MYH15: variants seen among roughly 807,000 people sequenced by gnomAD.
MYH15 encodes myosin-15.
A neutral mutation model predicts 240.5 loss-of-function variants in MYH15; 227 were observed. The observed-to-expected ratio is 0.94, with a 90% CI of 0.85 to 1.05. The LOEUF (loss-of-function observed/expected upper bound fraction) is 1.05. MYH15 is among the 50% of genes least tolerant of loss of function. The pLI, the probability that MYH15 is intolerant of heterozygous loss-of-function variation, is 0.00. For missense variants in MYH15, 2,217 were observed against 2,247.5 expected (o/e 0.99, Z 0.27); for synonymous variants, 785 against 796.7 (o/e 0.99, Z 0.25).
the MYH15 span, among the ~76,000 whole-genome samples, chr3:108,542,881 CTTTT>C: frequency 5.3e-5 from 7 of 133,192 alleles, no homozygotes; most frequent in East Asian, 2.0e-4. Flanking sequence ...GATCTCGTTC[CTTTT>C]TTTTTTTTTT....
intron 29 of MYH15, among the ~76,000 whole-genome samples, chr3:108,415,986 T>C (rs1297336722): frequency 6.6e-6 from 1 of 152,198 alleles, no homozygotes; most frequent in Admixed American, 6.5e-5. Flanking sequence ...TTGGACATGA[T>C]ATTTTTCTTC....
intron 1 of MYH15, among the ~76,000 whole-genome samples, chr3:108,524,575 CTT>C (rs1364321751): frequency 6.6e-6 from 1 of 151,726 alleles, no homozygotes; most frequent in South Asian, 2.1e-4. Flanking sequence ...CTTTTTATAA[CTT>C]AACATTTTTT....
chr3:108,542,200 T>G, the MYH15 span, among the ~76,000 whole-genome samples: 4 of 152,124 alleles, frequency 2.6e-5, no homozygotes, highest in Admixed American at 1.3e-4. Context: ...GCACCCCTAT[T>G]ATTTACATCT....
the MYH15 span, among the ~76,000 whole-genome samples, chr3:108,539,100 TAA>T: frequency 6.6e-6 from 1 of 152,192 alleles, no homozygotes; most frequent in African/African-American, 2.4e-5. Flanking sequence ...CATTGTGTAG[TAA>T]GTTTCCTACA....
At chr3:108,541,842 CATGAA>C in the MYH15 span, among the ~76,000 whole-genome samples, 4 of 152,006 alleles carry the variant, frequency 2.6e-5, no homozygotes, top group Non-Finnish European at 4.4e-5. Context: ...GTATTGATAT[CATGAA>C]ATGATTTCCT....
chr3:108,476,190 A>T (rs949592002), intron 12 of MYH15, among the ~76,000 whole-genome samples: 1 of 152,338 alleles, frequency 6.6e-6, no homozygotes, highest in East Asian at 1.9e-4. Context: ...AAAACTTTCA[A>T]AATGTATGTT....
At chr3:108,438,097 C>A (rs567034929) in intron 24 of MYH15, among the ~76,000 whole-genome samples, 4 of 152,310 alleles carry the variant, frequency 2.6e-5, no homozygotes, top group African/African-American at 9.6e-5. Flanking sequence ...CCTGTAAATT[C>A]TATCCACAAG....
intron 37 of MYH15, among the ~76,000 whole-genome samples, chr3:108,389,998 G>T (rs1254367872): frequency 1.3e-5 from 2 of 152,178 alleles, no homozygotes; most frequent in African/African-American, 2.4e-5. Flanking sequence ...CAACGTGAAG[G>T]GAGGGGAGCA....
At chr3:108,445,293 G>T (rs1037875322) in intron 21 of MYH15, among the ~76,000 whole-genome samples, 1 of 152,274 alleles carries the variant, frequency 6.6e-6, no homozygotes, top group Middle Eastern at 3.4e-3. Flanking sequence ...GGATAAAAAG[G>T]CAAGGCAGAA....
Position 108,410,884 on chromosome 3 carries a change from C to A in MYH15, c.4194G>T (p.Val1398=). 6.2e-7 allele frequency: 1 copy of A among 1,610,732 alleles called. No homozygotes were observed. The highest frequency in any genetic ancestry group is 8.5e-7 in the Non-Finnish European group (1 of 1,177,284). The change falls in exon 31 of 41, where the codon GTG becomes GTT. Residue 1398 remains valine, a synonymous_variant. Transcript: ENST00000693548. ...RLQEAAEAMG[V]ANARNASLER... is the part of the protein sequence containing the mutation. ...CCAAGGAGGCATTTCTGGCATTGGC[C>A]ACCCCCATGGCTTCGGCTGCCTCCT...
chr3:108,391,710 A>C (rs763127888), intron 37 of MYH15, 50 bp downstream of exon 37: 1 of 1,559,568 alleles, frequency 6.4e-7, no homozygotes, highest in Non-Finnish European at 8.7e-7. Context: ...CAGGACAAAG[A>C]GGTCTTGAAT....
chr3:108,442,560 C>T (rs2082893180), intron 22 of MYH15, among the ~76,000 whole-genome samples: 3 of 152,132 alleles, frequency 2.0e-5, no homozygotes, highest in South Asian at 2.1e-4. Context: ...GTCACCATCA[C>T]TGAACAAAGA....
rs767963441 is a variant in MYH15 at position 108,383,745 on chromosome 3, A to AT, written c.5632-17_5632-16insA. 98 of 1,534,182 alleles carry AT rather than the reference A, an allele frequency of 6.4e-5. 4 individuals carry two copies. The African/African-American group carries it at 1.0e-3, about 16-fold the overall frequency. On this transcript the variant is annotated splice_polypyrimidine_tract_variant and intron_variant, in intron 39 of 40. Coordinates refer to ENST00000693548, the MANE Select transcript of MYH15 (RefSeq NM_014981.3). The stretch of plus-strand genomic sequence containing the variant: ...CTTGTGTTTCCTATAAAAATAAAAA[A>AT]AAAAAAAAAGAAATCTCCATGCCTA...
At chr3:108,537,277 G>A in the MYH15 span, among the ~76,000 whole-genome samples, 2 of 152,114 alleles carry the variant, frequency 1.3e-5, no homozygotes, top group Admixed American at 1.3e-4. Context: ...CTCCTGAGAG[G>A]ACACACAGTC....
In MYH15 at chr3:108,399,162, G is replaced by A. The variant is rs1241047385; in HGVS notation, c.4842C>T (p.Leu1614=). The A allele has an allele frequency of 2.5e-6, 4 of 1,614,070 alleles. No homozygotes were observed. Among genetic ancestry groups the A allele is most frequent in the Non-Finnish European group, 3.4e-6 (4 of 1,180,048 alleles). ...TRLKKKMEED[L]NEMELQLSCA... is the part of the protein sequence containing the mutation. The stretch of plus-strand genomic sequence containing the variant: ...AGCTAAGCTGGAGTTCCATCTCATT[G>A]AGGTCCTCTTCCATCTTCTTCTTCA... The change falls in exon 34 of 41, where the codon CTC becomes CTT. Residue 1614 remains leucine (L), a synonymous_variant. Transcript: ENST00000693548.
intron 15 of MYH15, among the ~76,000 whole-genome samples, chr3:108,463,471 T>C (rs2083088572): frequency 6.6e-6 from 1 of 152,006 alleles, no homozygotes; most frequent in Non-Finnish European, 1.5e-5. Flanking sequence ...CATGCCACCA[T>C]GCCTGGCTAA....
intron 25 of MYH15, among the ~76,000 whole-genome samples, chr3:108,436,880 GAA>G (rs1050603713): frequency 6.8e-6 from 1 of 146,830 alleles, no homozygotes; most frequent in Non-Finnish European, 1.5e-5. Flanking sequence ...ATGGTTAAAA[GAA>G]AAAAAAAAGT....
chr3:108,410,530 G>T, intron 31 of MYH15, 53 bp downstream of exon 31: 6 of 1,331,990 alleles, frequency 4.5e-6, no homozygotes, highest in Non-Finnish European at 6.2e-6. Context: ...TGTAGCCAGG[G>T]CTCTTCCTGA....
intron 16 of MYH15, among the ~76,000 whole-genome samples, chr3:108,462,191 T>C (rs2083076801): frequency 6.6e-6 from 1 of 152,150 alleles, no homozygotes; most frequent in Non-Finnish European, 1.5e-5. Context: ...CCTCTGTATG[T>C]AGTTAGCATT....
Sources: allele counts gnomAD v4.1 joint callset (sites outside exome capture counted in the v4.1 genomes callset), GRCh38; gene constraint gnomAD v4.1.1; transcripts MANE v1.5; gene names NCBI Gene and HGNC (gene_info 2026-07-23, HGNC 2026-07-21).